The following CHCHD6 variants were observed in gnomAD, a reference collection of about 807,000 sequenced individuals.
CHCHD6 encodes the protein coiled-coil-helix-coiled-coil-helix domain containing 6.
A neutral mutation model predicts 32.3 loss-of-function variants in CHCHD6; 28 were observed. The ratio of observed to expected loss-of-function variants is 0.87; its 90% CI spans 0.64 to 1.19. The LOEUF (loss-of-function observed/expected upper bound fraction) is 1.19. Ranked by LOEUF, CHCHD6 falls within the 50% of genes most tolerant of loss-of-function variation. CHCHD6 has a pLI of 0.00. For synonymous variants in CHCHD6, 122 were observed against 117.5 expected, an observed-to-expected ratio of 1.04 and a Z score of -0.25; for missense variants, 333 against 307.0, an observed-to-expected ratio of 1.08 and a Z score of -0.63.
intron 1 of CHCHD6, among the ~76,000 whole-genome samples, chr3:126,718,210 T>A (rs1333258407): frequency 1.3e-5 from 2 of 152,244 alleles, no homozygotes; most frequent in Non-Finnish European, 2.9e-5. Flanking sequence ...GCTGATGGTC[T>A]GTGGCAAATG....
chr3:126,725,921 C>T (rs1372192777), intron 1 of CHCHD6, among the ~76,000 whole-genome samples: 2 of 152,212 alleles, frequency 1.3e-5, no homozygotes, highest in African/African-American at 2.4e-5. Context: ...TAAGGGAATA[C>T]GGTGGCTGGT....
chr3:126,858,041 GGA>G (rs1941721372), intron 5 of CHCHD6, among the ~76,000 whole-genome samples: 1 of 152,160 alleles, frequency 6.6e-6, no homozygotes, highest in African/African-American at 2.4e-5. Flanking sequence ...CTGAAAATGA[GGA>G]GAGAGGCAAG....
In CHCHD6 at chr3:126,733,116, TC is replaced by T; in HGVS notation, c.307del (p.Gln103ArgfsTer46). ...QEHAAIQDKL[F>X]QVAKREREAA... ...CATGCTGCTATCCAGGATAAGCTCT[TC>T]CAGGTGGCAAAGAGGGAAAGAGAGG... On this transcript the variant is annotated frameshift_variant, in exon 4 of 8. Coordinates refer to ENST00000290913, the MANE Select transcript of CHCHD6 (RefSeq NM_032343.3). LOFTEE classifies it high-confidence loss of function. 1 of 1,614,210 alleles carries T rather than the reference TC, an allele frequency of 6.2e-7. No individual in the cohort carries two copies. The highest frequency in any genetic ancestry group is 8.5e-7 in the Non-Finnish European group (1 of 1,180,030).
chr3:126,790,670 C>G (rs1938484571), intron 4 of CHCHD6, among the ~76,000 whole-genome samples: 1 of 152,198 alleles, frequency 6.6e-6, no homozygotes, highest in South Asian at 2.1e-4. Context: ...GTTTTCAGCT[C>G]CATCAGGTCA....
At chr3:126,934,531 C>A (rs890946844) in intron 6 of CHCHD6, among the ~76,000 whole-genome samples, 1 of 144,606 alleles carries the variant, frequency 6.9e-6, no homozygotes, top group Admixed American at 7.0e-5. Flanking sequence ...ACCCTCCCCT[C>A]TCTGCTTTTT....
intron 4 of CHCHD6, among the ~76,000 whole-genome samples, chr3:126,737,166 C>A (rs1239920248): frequency 6.6e-6 from 1 of 151,802 alleles, no homozygotes; most frequent in Non-Finnish European, 1.5e-5. Flanking sequence ...AGTAAAAATA[C>A]AAAATTAGCT....
intron 6 of CHCHD6, among the ~76,000 whole-genome samples, chr3:126,915,962 A>AT (rs1310664554): frequency 2.2e-5 from 1 of 45,338 alleles, no homozygotes; most frequent in Non-Finnish European, 4.1e-5. Context: ...TAATTTTTGT[A>AT]TTTTTTGTAG....
chr3:126,957,742 AG>A (rs2078807174), intron 7 of CHCHD6, 191 bp downstream of exon 7: 1 of 708,708 alleles, frequency 1.4e-6, no homozygotes, highest in South Asian at 1.7e-5. Context: ...GGCTGCTTCC[AG>A]GAGCGCCTTG....
At chr3:126,750,621 A>G (rs1237323317) in intron 4 of CHCHD6, among the ~76,000 whole-genome samples, 1 of 152,230 alleles carries the variant, frequency 6.6e-6, no homozygotes, top group Non-Finnish European at 1.5e-5. Flanking sequence ...GGCTGCCTCT[A>G]GGCCTGAGTC....
intron 4 of CHCHD6, among the ~76,000 whole-genome samples, chr3:126,796,582 T>C (rs1480951253): frequency 1.3e-5 from 2 of 152,154 alleles, no homozygotes; most frequent in Admixed American, 1.3e-4. Flanking sequence ...CCATGGAGTA[T>C]CAGTGTACAG....
chr3:126,754,456 A>G (rs1936865146), intron 4 of CHCHD6, among the ~76,000 whole-genome samples: 1 of 152,116 alleles, frequency 6.6e-6, no homozygotes, highest in African/African-American at 2.4e-5. Context: ...GATCATGCAA[A>G]TCTCCCTGTG....
At chr3:126,923,746 A>G (rs938683570) in intron 6 of CHCHD6, among the ~76,000 whole-genome samples, 4 of 152,242 alleles carry the variant, frequency 2.6e-5, no homozygotes, top group Non-Finnish European at 5.9e-5. Flanking sequence ...TGAGGGCATC[A>G]TGAGGTAATT....
chr3:126,944,992 C>G (rs1253551029), intron 6 of CHCHD6, among the ~76,000 whole-genome samples: 1 of 152,172 alleles, frequency 6.6e-6, no homozygotes, highest in East Asian at 1.9e-4. Flanking sequence ...GTTTGTGAGT[C>G]TGGTCACCAT....
At chr3:126,800,392 C>T (rs1939007925) in intron 4 of CHCHD6, among the ~76,000 whole-genome samples, 1 of 152,050 alleles carries the variant, frequency 6.6e-6, no homozygotes, top group African/African-American at 2.4e-5. Flanking sequence ...TTGAGAAATC[C>T]AGAGACAGCT....
At chr3:126,862,291 T>TCCTCCTCCTCCTCCATCA (rs1941939333) in intron 5 of CHCHD6, among the ~76,000 whole-genome samples, 1 of 99,930 alleles carries the variant, frequency 1.0e-5, no homozygotes, top group African/African-American at 3.8e-5. Flanking sequence ...CATCACCACC[T>TCCTCCTCCTCCTCCATCA]CCTCCTCCTC....
chr3:126,797,956 T>C (rs569256355), intron 4 of CHCHD6, among the ~76,000 whole-genome samples: 3 of 152,220 alleles, frequency 2.0e-5, no homozygotes, highest in African/African-American at 7.2e-5. Flanking sequence ...TGGGAGTTGA[T>C]GAATGATCTC....
intron 4 of CHCHD6, among the ~76,000 whole-genome samples, chr3:126,803,172 C>T (rs1008392224): frequency 1.7e-4 from 26 of 151,416 alleles, no homozygotes; most frequent in Non-Finnish European, 2.9e-4. Context: ...AGCAAAATAA[C>T]CAGCTAACAT....
intron 6 of CHCHD6, among the ~76,000 whole-genome samples, chr3:126,931,473 G>T (rs1173931079): frequency 6.6e-6 from 1 of 152,168 alleles, no homozygotes; most frequent in Non-Finnish European, 1.5e-5. Flanking sequence ...CCTGCTCCCT[G>T]TTATGGCCCT....
chr3:126,766,658 CGGT>C, intron 4 of CHCHD6: 1 of 1,037,166 alleles, frequency 9.6e-7, no homozygotes, highest in East Asian at 2.4e-5. Context: ...GGTGCTCTCT[CGGT>C]GGCCACAATG....
Sources: gnomAD v4.1 joint callset for allele counts (sites outside exome capture counted in the v4.1 genomes callset) on GRCh38, gnomAD v4.1.1 for gene constraint, MANE v1.5 for transcripts, NCBI Gene and HGNC (gene_info 2026-07-23, HGNC 2026-07-21) for gene names.